Variants in FBXO28 observed in about 807,000 individuals in gnomAD.
FBXO28 encodes the protein F-box protein 28, also known as F-box only protein 28.
Under a neutral mutation model 38.1 loss-of-function variants are expected in FBXO28, and 8 were observed. The ratio of observed to expected loss-of-function variants is 0.21; its 90% CI spans 0.12 to 0.38. The LOEUF (loss-of-function observed/expected upper bound fraction) is 0.38, where lower values mean the gene tolerates loss of function less well. Among genes scored for constraint, FBXO28 ranks in the 10% least tolerant of loss-of-function variants. The pLI is 1.00. For missense variants in FBXO28, 345 were observed against 460.6 expected (o/e 0.75, Z 2.30); for synonymous variants, 168 against 173.8 (o/e 0.97, Z 0.26).
intron 3 of FBXO28, among the ~76,000 whole-genome samples, chr1:224,149,274 CT>C (rs33992744): frequency 0.53 from 68,469 of 129,676 alleles, 16,527 homozygotes; most frequent in South Asian, 0.57. Flanking sequence ...ACCATATAAT[CT>C]TTTTTTTTTT....
intron 1 of FBXO28, among the ~76,000 whole-genome samples, chr1:224,121,011 T>G (rs1371455334): frequency 7.2e-5 from 11 of 152,158 alleles, no homozygotes; most frequent in African/African-American, 2.7e-4. Flanking sequence ...TTTTACATTT[T>G]TCATTCACCC....
chr1:224,152,348 G>A (rs1485193586), intron 3 of FBXO28, among the ~76,000 whole-genome samples: 3 of 152,198 alleles, frequency 2.0e-5, no homozygotes, highest in Non-Finnish European at 4.4e-5. Context: ...AGAGAAATCA[G>A]GCTGAGTCCC....
chr1:224,145,301 A>AAAAAG (rs1182885183), intron 3 of FBXO28, among the ~76,000 whole-genome samples: 4 of 150,932 alleles, frequency 2.7e-5, no homozygotes, highest in Non-Finnish European at 5.9e-5. Flanking sequence ...CTCAAAAAAA[A>AAAAAG]AAAAAAAAAA....
chr1:224,157,882 A>G lies in FBXO28; in HGVS notation c.*136A>G. ...GAACACAACTTAAACTTGAACTCTTATGGTTGGGACATTCTTTTCCTGCTT... is the reference window on the plus strand; with the variant it reads ...GAACACAACTTAAACTTGAACTCTTGTGGTTGGGACATTCTTTTCCTGCTT... On this transcript the variant is annotated 3_prime_UTR_variant, in exon 5 of 5. Coordinates refer to ENST00000366862, the MANE Select transcript of FBXO28 (RefSeq NM_015176.4). 7.0e-7 allele frequency: 1 copy of G among 1,433,180 alleles called. No individual in the cohort carries two copies. The highest frequency in any genetic ancestry group is 1.4e-5 in the African/African-American group (1 of 69,756). The allele number at this position is 1,433,180 out of a possible 1,614,324, so 88.8% of individuals were successfully genotyped here.
rs993811045 is a variant in FBXO28, at chr1:224,161,598, T to G, written c.*3852T>G. ...TTCAAAAAATACTAAATCTATGAACTGAGACTAGCAATTAGTTGGCTGCTC... is the reference window on the plus strand; with the variant it reads ...TTCAAAAAATACTAAATCTATGAACGGAGACTAGCAATTAGTTGGCTGCTC... On this transcript the variant is annotated 3_prime_UTR_variant, in exon 5 of 5. Coordinates refer to ENST00000366862, the MANE Select transcript of FBXO28 (RefSeq NM_015176.4). 2 of 152,372 alleles carry G rather than the reference T, an allele frequency of 1.3e-5. No individual in the cohort carries two copies. Among genetic ancestry groups the G allele is most frequent in the East Asian group, 3.9e-4 (2 of 5,194 alleles). 9.4% of individuals were successfully genotyped at this position (152,372 alleles called of 1,614,324 possible). A position where few individuals can be genotyped will look rare whatever the true frequency, so the allele number is the denominator to read the frequency against.
rs73124414 is a variant in FBXO28, at chr1:224,114,345, C to T, written c.216C>T (p.Ile72=). Residue 72 remains isoleucine, a synonymous_variant, in exon 1 of 5, where the codon ATC becomes ATT. Transcript: ENST00000366862. The stretch of plus-strand genomic sequence containing the variant: ...TTGTGGCGCTGCCCATCGTAGCCAT[C>T]GAGAACATCCTCAGCTTTATGTCCT... ...NTLVALPIVA[I]ENILSFMSYD... The T allele has an allele frequency of 8.8e-3, 14,029 of 1,597,780 alleles. 640 individuals are homozygous for T. In the African/African-American group the frequency reaches 0.13, roughly 15 times the overall value.
rs1219916004 is a variant in FBXO28, at chr1:224,157,728, T to C, written c.1089T>C (p.Arg363=). 1 of 1,601,196 alleles carries C rather than the reference T, an allele frequency of 6.2e-7. No individual in the cohort carries two copies. Among genetic ancestry groups the C allele is most frequent in the South Asian group, 1.1e-5 (1 of 88,966 alleles). Residue 363 remains arginine (R), a synonymous_variant, in exon 5 of 5, where the codon CGT becomes CGC. Coordinates refer to ENST00000366862, the MANE Select transcript of FBXO28 (RefSeq NM_015176.4). ...EAIDSLRKSK[R]LRNRK ...TAGACTCTCTTAGGAAATCTAAACG[T>C]CTTCGGAATAGAAAGTAAATTGGAA...
intron 1 of FBXO28, among the ~76,000 whole-genome samples, chr1:224,130,165 A>T (rs539141253): frequency 6.6e-6 from 1 of 152,028 alleles, no homozygotes; most frequent in South Asian, 2.1e-4. Context: ...AGCATGGTGA[A>T]ACTCTGTCTT....
At chr1:224,141,891 ATT>A (rs199693010) in intron 3 of FBXO28, among the ~76,000 whole-genome samples, 3 of 145,472 alleles carry the variant, frequency 2.1e-5, no homozygotes, top group Non-Finnish European at 3.0e-5. Flanking sequence ...GGCTACATTA[ATT>A]TTTTTTTTTT....
chr1:224,122,607 G>GC lies in FBXO28; in HGVS notation c.268-7857dup, dbSNP rs1387474368. 2.6e-3 allele frequency among the ~76,000 whole-genome samples: 382 copies of GC among 147,132 alleles called. 7 individuals carry two copies. The highest frequency in any genetic ancestry group is 0.02 in the East Asian group (100 of 5,034). On this transcript the variant is annotated intron_variant, in intron 1 of 4. Coordinates refer to ENST00000366862, the MANE Select transcript of FBXO28 (RefSeq NM_015176.4). ...TGCCATTGACTTTTTTTTTTTTACA[G>GC]CCCCCCCCAAGCCCCGCCAACACAC...
chr1:224,129,913 C>G (rs1385297861), intron 1 of FBXO28, among the ~76,000 whole-genome samples: 2 of 152,104 alleles, frequency 1.3e-5, no homozygotes, highest in African/African-American at 4.8e-5. Flanking sequence ...TGGCGTGAAC[C>G]CAGGAGGTGG....
intron 3 of FBXO28, among the ~76,000 whole-genome samples, chr1:224,151,879 C>T (rs1162230852): frequency 2.0e-5 from 3 of 151,924 alleles, no homozygotes; most frequent in Non-Finnish European, 4.4e-5. Flanking sequence ...CCTGTCTCTA[C>T]TAAAAATACA....
chr1:224,133,308 TGA>T (rs1178067534), intron 2 of FBXO28, among the ~76,000 whole-genome samples: 2 of 152,226 alleles, frequency 1.3e-5, no homozygotes, highest in Non-Finnish European at 2.9e-5. Context: ...TACAATCCTG[TGA>T]GTATACTAAA....
chr1:224,142,027 C>T (rs1389412036), intron 3 of FBXO28, among the ~76,000 whole-genome samples: 1 of 146,026 alleles, frequency 6.8e-6, no homozygotes, highest in Non-Finnish European at 1.5e-5. Context: ...GTACCTGGGA[C>T]TCTACAGGCA....
intron 3 of FBXO28, among the ~76,000 whole-genome samples, chr1:224,150,372 A>G (rs1478851081): frequency 6.6e-6 from 1 of 152,072 alleles, no homozygotes; most frequent in African/African-American, 2.4e-5. Context: ...CCATATGTAA[A>G]ACGTTGATAA....
intron 1 of FBXO28, among the ~76,000 whole-genome samples, chr1:224,119,135 C>CTTTTTTTTTTTTTTTTTTTTTT (rs67458349): frequency 4.5e-5 from 5 of 109,920 alleles, no homozygotes; most frequent in Non-Finnish European, 6.9e-5. Context: ...TCTTTTTTTT[C>CTTTTTTTTTTTTTTTTTTTTTT]TTTTTTTTTT....
chr1:224,144,308 A>G (rs1657444544), intron 3 of FBXO28, among the ~76,000 whole-genome samples: 1 of 151,814 alleles, frequency 6.6e-6, no homozygotes, highest in Admixed American at 6.6e-5. Context: ...TACAGAAAAA[A>G]AAAATTGCCA....
chr1:224,125,705 C>T (rs1277681610), intron 1 of FBXO28, among the ~76,000 whole-genome samples: 1 of 150,936 alleles, frequency 6.6e-6, no homozygotes, highest in Non-Finnish European at 1.5e-5. Context: ...GCATTGGTGC[C>T]GTCTCGGACC....
At chr1:224,134,478 T>C (rs61162360) in intron 3 of FBXO28, 11,559 of 259,562 alleles carry the variant, frequency 0.045, 980 homozygotes, top group African/African-American at 0.2. Flanking sequence ...AATTTGAGGT[T>C]TTACTGGTGG....
Sources: allele counts gnomAD v4.1 joint callset (sites outside exome capture counted in the v4.1 genomes callset), GRCh38; gene constraint gnomAD v4.1.1; transcripts MANE v1.5; gene names NCBI Gene and HGNC (gene_info 2026-07-23, HGNC 2026-07-21).